Variants in SLC24A2 observed in about 807,000 individuals in gnomAD.
SLC24A2 encodes the protein solute carrier family 24 member 2.
In SLC24A2, 36 loss-of-function variants were observed where a neutral mutation model predicts 62.0. The observed-to-expected ratio is 0.58, with a 90% CI of 0.44 to 0.77. SLC24A2 has a LOEUF of 0.77. SLC24A2 is among the 30% of genes least tolerant of loss of function. The probability of loss-of-function intolerance (pLI) is 0.00; values close to 1 mark genes in which losing one functional copy is unlikely to be tolerated. For synonymous variants in SLC24A2, 358 were observed against 294.0 expected (o/e 1.22, Z -2.23); for missense variants, 846 against 817.9 (o/e 1.03, Z -0.42).
intron 2 of SLC24A2, among the ~76,000 whole-genome samples, chr9:19,716,691 C>T (rs1163743013): frequency 6.6e-6 from 1 of 152,166 alleles, no homozygotes; most frequent in East Asian, 1.9e-4. Flanking sequence ...CCTATCTGAC[C>T]CTTTCTTTCT....
the SLC24A2 span, among the ~76,000 whole-genome samples, chr9:20,052,742 C>T: frequency 6.6e-6 from 1 of 152,170 alleles, no homozygotes; most frequent in African/African-American, 2.4e-5. Flanking sequence ...TTCTTCACAG[C>T]AGACTGTTAA....
chr9:19,560,308 A>AC (rs1366176977), intron 7 of SLC24A2, among the ~76,000 whole-genome samples: 1 of 96,360 alleles, frequency 1.0e-5, no homozygotes, highest in East Asian at 3.8e-4. Flanking sequence ...CCCGCCCCCC[A>AC]CCCCCAATTC....
the SLC24A2 span, among the ~76,000 whole-genome samples, chr9:20,278,962 C>CT: frequency 2.0e-5 from 3 of 152,144 alleles, no homozygotes; most frequent in African/African-American, 7.2e-5. Flanking sequence ...CCTCAAGGCA[C>CT]TTACAATCAT....
the SLC24A2 span, among the ~76,000 whole-genome samples, chr9:20,181,882 T>C: frequency 3.3e-5 from 5 of 152,124 alleles, no homozygotes; most frequent in African/African-American, 9.6e-5. Flanking sequence ...TTGCAATCTA[T>C]CCATCTGACA....
the SLC24A2 span, among the ~76,000 whole-genome samples, chr9:20,303,008 T>A: frequency 1.3e-5 from 2 of 152,228 alleles, no homozygotes; most frequent in Non-Finnish European, 2.9e-5. Context: ...CTGATATATT[T>A]TGCTAAACTT....
At chr9:19,559,767 C>A (rs1391027024) in intron 7 of SLC24A2, among the ~76,000 whole-genome samples, 1 of 152,204 alleles carries the variant, frequency 6.6e-6, no homozygotes, top group Non-Finnish European at 1.5e-5. Flanking sequence ...AAAACAGTGG[C>A]TGGCTCAGAA....
chr9:19,534,167 G>T (rs1833842225), intron 8 of SLC24A2, among the ~76,000 whole-genome samples: 1 of 152,180 alleles, frequency 6.6e-6, no homozygotes, highest in African/African-American at 2.4e-5. Context: ...TCAGCTGTGG[G>T]GGGAAAACCC....
At chr9:20,012,471 A>G in the SLC24A2 span, among the ~76,000 whole-genome samples, 1 of 152,218 alleles carries the variant, frequency 6.6e-6, no homozygotes, top group Non-Finnish European at 1.5e-5. Context: ...GTGGGTGGGG[A>G]CACAGTCAAA....
the SLC24A2 span, among the ~76,000 whole-genome samples, chr9:19,988,105 T>C: frequency 1.3e-5 from 2 of 152,234 alleles, no homozygotes; most frequent in African/African-American, 4.8e-5. Flanking sequence ...ATGGATGAAC[T>C]GCAGGTATGC....
intron 2 of SLC24A2, among the ~76,000 whole-genome samples, chr9:19,663,490 G>C (rs1423904309): frequency 3.3e-5 from 5 of 152,118 alleles, no homozygotes; most frequent in Admixed American, 3.3e-4. Flanking sequence ...AACTGTGAAC[G>C]GTAGTGACAG....
At chr9:19,666,175 G>A (rs879411652) in intron 2 of SLC24A2, among the ~76,000 whole-genome samples, 2 of 152,090 alleles carry the variant, frequency 1.3e-5, no homozygotes, top group African/African-American at 2.4e-5. Context: ...AGAGGCCAAG[G>A]CAAGAGGATC....
the SLC24A2 span, among the ~76,000 whole-genome samples, chr9:20,006,269 A>C: frequency 1.3e-5 from 2 of 152,008 alleles, no homozygotes; most frequent in African/African-American, 4.8e-5. Context: ...TTAAATACTA[A>C]TTTAATATGC....
At chr9:20,111,796 G>T in the SLC24A2 span, among the ~76,000 whole-genome samples, 1 of 152,068 alleles carries the variant, frequency 6.6e-6, no homozygotes, top group Non-Finnish European at 1.5e-5. Context: ...GGTCCCCATT[G>T]TCCACTGGGG....
intron 2 of SLC24A2, among the ~76,000 whole-genome samples, chr9:19,775,526 T>G (rs1044560992): frequency 2.0e-5 from 3 of 152,248 alleles, no homozygotes; most frequent in African/African-American, 7.2e-5. Context: ...ATGGTGTGTG[T>G]GCTTGGAGAG....
chr9:20,297,441 G>C, the SLC24A2 span, among the ~76,000 whole-genome samples: 2 of 152,198 alleles, frequency 1.3e-5, no homozygotes, highest in Admixed American at 1.3e-4. Context: ...GGAAACCAGG[G>C]GAAGGTGGGA....
the SLC24A2 span, among the ~76,000 whole-genome samples, chr9:20,041,190 A>G: frequency 9.4e-6 from 1 of 106,408 alleles, no homozygotes; most frequent in Non-Finnish European, 1.8e-5. Flanking sequence ...AGAAGCATGC[A>G]TGAGAAAAAG....
the SLC24A2 span, among the ~76,000 whole-genome samples, chr9:20,212,094 A>T: frequency 6.7e-6 from 1 of 148,988 alleles, no homozygotes; most frequent in East Asian, 1.9e-4. Context: ...TAAATTTTAA[A>T]CATTCAGTGA....
At chr9:19,636,387 C>CTTTCTTTCTTTCTTTCTT (rs1564010053) in intron 2 of SLC24A2, among the ~76,000 whole-genome samples, 1 of 22,320 alleles carries the variant, frequency 4.5e-5, no homozygotes, top group African/African-American at 1.5e-4. Flanking sequence ...TTCTTTCTTT[C>CTTTCTTTCTTTCTTTCTT]TCCCTCTCTC....
chr9:19,515,181 C>G lies in SLC24A2; in HGVS notation c.*972G>C, dbSNP rs999025261. Reference sequence around the variant, plus strand: ...GTTCAGTTTATATAGTCTTGCTGTCCTAGAAAAAGCACTAATTTGGTTTGT... The same window carrying G: ...GTTCAGTTTATATAGTCTTGCTGTCGTAGAAAAAGCACTAATTTGGTTTGT... On this transcript the variant is annotated 3_prime_UTR_variant, in exon 11 of 11. Transcript: ENST00000341998. 1 of 152,058 alleles carries G rather than the reference C, an allele frequency of 6.6e-6. No individual in the cohort carries two copies. The highest frequency in any genetic ancestry group is 1.5e-5 in the Non-Finnish European group (1 of 68,022). The allele number at this position is 152,058 out of a possible 1,614,324, so 9.4% of individuals were successfully genotyped here. A position where few individuals can be genotyped will look rare whatever the true frequency, so the allele number is the denominator to read the frequency against.
Sources: allele counts gnomAD v4.1 joint callset (sites outside exome capture counted in the v4.1 genomes callset), GRCh38; gene constraint gnomAD v4.1.1; transcripts MANE v1.5; gene names NCBI Gene and HGNC (gene_info 2026-07-23, HGNC 2026-07-21).